The following CARNMT1 variants were observed in gnomAD, a reference collection of about 807,000 sequenced individuals.
CARNMT1 encodes carnosine N-methyltransferase 1.
CARNMT1 carries 28 observed loss-of-function variants against 49.6 expected under a neutral mutation model. The observed-to-expected ratio is 0.56, with a 90% CI of 0.42 to 0.77. The LOEUF is 0.77. CARNMT1 is among the 30% of genes least tolerant of loss of function. The pLI, the probability that CARNMT1 is intolerant of heterozygous loss-of-function variation, is 0.00. For missense variants in CARNMT1, 421 were observed against 512.6 expected (o/e 0.82, Z 1.73); for synonymous variants, 178 against 175.0 (o/e 1.02, Z -0.13).
intron 3 of CARNMT1, among the ~76,000 whole-genome samples, chr9:75,002,742 ATTTC>A (rs1833399137): frequency 1.3e-5 from 2 of 152,012 alleles, no homozygotes; most frequent in South Asian, 2.1e-4. Context: ...CTAGTATTGA[ATTTC>A]TTTTTTTTAA....
At chr9:75,013,982 A>G (rs1833772893) in intron 3 of CARNMT1, among the ~76,000 whole-genome samples, 1 of 144,746 alleles carries the variant, frequency 6.9e-6, no homozygotes, top group African/African-American at 2.5e-5. Context: ...AAAAAAAGAG[A>G]GAGAGAGAGA....
chr9:74,994,593 T>C (rs183031759), intron 6 of CARNMT1, among the ~76,000 whole-genome samples: 9 of 151,846 alleles, frequency 5.9e-5, no homozygotes, highest in Non-Finnish European at 1.2e-4. Flanking sequence ...ATCCAAAGAG[T>C]AGGAAAAGCC....
At chr9:75,028,417 G>A, upstream of CARNMT1, 3 of 1,288,312 alleles carry the variant, frequency 2.3e-6, no homozygotes, top group African/African-American at 1.6e-5. Context: ...CAGGTCTTCA[G>A]GGCTCCCAGA....
chr9:75,011,235 A>G (rs1306392633), intron 3 of CARNMT1, among the ~76,000 whole-genome samples: 1 of 152,196 alleles, frequency 6.6e-6, no homozygotes, highest in African/African-American at 2.4e-5. Flanking sequence ...TGCAACCCTT[A>G]TAGAAGAACA....
In CARNMT1 at chr9:74,982,746, A is replaced by C. The variant is rs1472360280; in HGVS notation, c.*1021T>G. On this transcript the variant is annotated 3_prime_UTR_variant, in exon 8 of 8. Coordinates refer to ENST00000376834, the MANE Select transcript of CARNMT1 (RefSeq NM_152420.3). ...ACATTATTGTAAACATCACACTGTC[A>C]AACTCTGTATTCATTTAGAGTCTGA... 1 of 152,234 alleles carries C rather than the reference A, an allele frequency of 6.6e-6. No homozygotes were observed. Among genetic ancestry groups the C allele is most frequent in the Non-Finnish European group, 1.5e-5 (1 of 68,046 alleles). 9.4% of individuals were successfully genotyped at this position (152,234 alleles called of 1,614,324 possible).
At chr9:75,025,635 A>G (rs1822502267) in intron 1 of CARNMT1, among the ~76,000 whole-genome samples, 1 of 152,158 alleles carries the variant, frequency 6.6e-6, no homozygotes, top group Non-Finnish European at 1.5e-5. Flanking sequence ...AGGCTATGCA[A>G]GTTTGCTAAG....
At chr9:75,027,364 A>T in intron 1 of CARNMT1, 1 of 928,798 alleles carries the variant, frequency 1.1e-6, no homozygotes, top group Non-Finnish European at 1.3e-6. Flanking sequence ...TCTTATTGTG[A>T]CTTCTCTCAT....
rs571779535 is a variant in CARNMT1, at chr9:74,983,009, A to T, written c.*758T>A. 5.6e-4 allele frequency: 86 copies of T among 152,314 alleles called. No homozygotes were observed. Among genetic ancestry groups the T allele is most frequent in the African/African-American group, 1.9e-3 (78 of 41,570 alleles). 9.4% of individuals were successfully genotyped at this position (152,314 alleles called of 1,614,324 possible). A position where few individuals can be genotyped will look rare whatever the true frequency, so the allele number is the denominator to read the frequency against. On this transcript the variant is annotated 3_prime_UTR_variant, in exon 8 of 8. Coordinates refer to ENST00000376834, the MANE Select transcript of CARNMT1 (RefSeq NM_152420.3). ...GATGCTATTAAATTTAACATTTCAT[A>T]AAAAAGAAATGTTTGATGCTTCTTT...
chr9:75,002,763 G>C (rs1833400294), intron 3 of CARNMT1, among the ~76,000 whole-genome samples: 1 of 152,034 alleles, frequency 6.6e-6, no homozygotes, highest in Non-Finnish European at 1.5e-5. Flanking sequence ...TTAAATTTGA[G>C]ACAGTCTTGC....
intron 3 of CARNMT1, 145 bp downstream of exon 3, chr9:75,016,123 C>A: frequency 1.7e-6 from 1 of 582,426 alleles, no homozygotes. Flanking sequence ...ACAGAGCATC[C>A]AATAACAAAT....
chr9:74,985,068 T>G, intron 6 of CARNMT1, 58 bp from the exon 7 acceptor site: 1 of 1,258,606 alleles, frequency 7.9e-7, no homozygotes, highest in Non-Finnish European at 1.2e-6. Context: ...ATAGCTGTGT[T>G]ACACTGAATT....
intron 4 of CARNMT1, 32 bp from the exon 5 acceptor site, chr9:74,998,808 A>C (rs760314328): frequency 7.4e-7 from 1 of 1,359,830 alleles, no homozygotes; most frequent in Non-Finnish European, 9.8e-7. Flanking sequence ...TCAGGTGTTA[A>C]CTAAATATTT....
chr9:75,024,906 AAAC>A (rs1822479946), intron 1 of CARNMT1, among the ~76,000 whole-genome samples: 1 of 152,294 alleles, frequency 6.6e-6, no homozygotes, highest in South Asian at 2.1e-4. Context: ...CCAATAACAT[AAAC>A]AACTGACAGA....
At chr9:75,009,060 C>CTTT (rs752851220) in intron 3 of CARNMT1, among the ~76,000 whole-genome samples, 2 of 125,512 alleles carry the variant, frequency 1.6e-5, no homozygotes, top group Admixed American at 1.6e-4. Context: ...AAAGGACAGT[C>CTTT]TTTTTTTTTT....
chr9:75,017,988 G>A (rs183459300), intron 1 of CARNMT1, among the ~76,000 whole-genome samples: 143 of 152,088 alleles, frequency 9.4e-4, no homozygotes, highest in Non-Finnish European at 1.6e-3. Context: ...TTCCAAAAAC[G>A]AACCCAAAGG....
intron 3 of CARNMT1, among the ~76,000 whole-genome samples, chr9:75,011,385 T>C (rs1286144182): frequency 1.3e-5 from 2 of 152,174 alleles, no homozygotes; most frequent in Non-Finnish European, 2.9e-5. Context: ...ATTATTATTA[T>C]TATTGAGACA....
At chr9:75,016,532 G>C in intron 2 of CARNMT1, 101 bp from the exon 3 acceptor site, 5 of 1,066,474 alleles carry the variant, frequency 4.7e-6, no homozygotes, top group Non-Finnish European at 6.8e-6. Context: ...TGGTTTAGTG[G>C]ATAAATCACT....
chr9:74,992,082 G>C (rs1230569099), intron 6 of CARNMT1, among the ~76,000 whole-genome samples: 1 of 151,940 alleles, frequency 6.6e-6, no homozygotes, highest in Non-Finnish European at 1.5e-5. Context: ...GACCAGCCTG[G>C]CCAACATGGT....
At chr9:74,993,523 A>G (rs768306891) in intron 6 of CARNMT1, among the ~76,000 whole-genome samples, 2 of 152,198 alleles carry the variant, frequency 1.3e-5, no homozygotes, top group African/African-American at 4.8e-5. Context: ...AAAGGGCCGA[A>G]GACAACTTGA....
Sources: allele counts gnomAD v4.1 joint callset (sites outside exome capture counted in the v4.1 genomes callset), GRCh38; gene constraint gnomAD v4.1.1; transcripts MANE v1.5; gene names NCBI Gene and HGNC (gene_info 2026-07-23, HGNC 2026-07-21).